Variants in ZNF248 observed in about 807,000 individuals in gnomAD.
ZNF248 encodes the protein zinc finger protein 248.
ZNF248 carries 20 observed loss-of-function variants against 44.3 expected under a neutral mutation model. The observed-to-expected ratio is 0.45, with a 90% CI of 0.32 to 0.66. The LOEUF is 0.66. Ranked by LOEUF, ZNF248 falls within the 30% of genes least tolerant of loss-of-function variation. The pLI is 0.04. For missense variants in ZNF248, 654 were observed against 677.0 expected, an observed-to-expected ratio of 0.97 and a Z score of 0.38; for synonymous variants, 224 against 229.0, an observed-to-expected ratio of 0.98 and a Z score of 0.20.
At chr10:37,773,810 G>A (rs1441146776), downstream of ZNF248, among the ~76,000 whole-genome samples, 4 of 152,044 alleles carry the variant, frequency 2.6e-5, no homozygotes, top group African/African-American at 9.7e-5. Flanking sequence ...CTCTGTAAAG[G>A]CCCTATCTCC....
chr10:37,853,190 C>T lies in ZNF248; in HGVS notation c.15+3106G>A, dbSNP rs1482350692. Reference sequence around the variant, plus strand: ...TGACAAGGATATCATACCTCAGAACCAACCCCTGCCAAAATACTACAGGAT... The same window carrying T: ...TGACAAGGATATCATACCTCAGAACTAACCCCTGCCAAAATACTACAGGAT... On this transcript the variant is annotated intron_variant, in intron 3 of 5. Transcript: ENST00000395867. 1.3e-5 allele frequency among the ~76,000 whole-genome samples: 2 copies of T among 152,102 alleles called. 1 individual carries two copies. Among genetic ancestry groups the T allele is most frequent in the South Asian group, 4.1e-4 (2 of 4,826 alleles).
the ZNF248 span, among the ~76,000 whole-genome samples, chr10:37,770,164 G>T: frequency 2.0e-5 from 3 of 152,142 alleles, no homozygotes; most frequent in Non-Finnish European, 4.4e-5. Context: ...CTCATGGGTA[G>T]GAAGAATCAA....
At chr10:37,784,286 C>T (rs770103243) in intron 6 of ZNF248, among the ~76,000 whole-genome samples, 1 of 152,328 alleles carries the variant, frequency 6.6e-6, no homozygotes, top group Middle Eastern at 3.4e-3. Context: ...TCATCCAAGT[C>T]CATCTTAAAG....
chr10:37,839,625 G>A (rs1169742305), intron 3 of ZNF248, among the ~76,000 whole-genome samples: 1 of 151,660 alleles, frequency 6.6e-6, no homozygotes, highest in Non-Finnish European at 1.5e-5. Context: ...TATTAAAGAA[G>A]ACATAATCTG....
chr10:37,814,281 A>G (rs1329348220), intron 6 of ZNF248, among the ~76,000 whole-genome samples: 3 of 152,322 alleles, frequency 2.0e-5, no homozygotes, highest in Non-Finnish European at 4.4e-5. Context: ...CTCCGCTCCT[A>G]CACAGCACTG....
the ZNF248 span, among the ~76,000 whole-genome samples, chr10:37,760,191 G>T: frequency 6.6e-6 from 1 of 152,136 alleles, no homozygotes; most frequent in Non-Finnish European, 1.5e-5. Flanking sequence ...AAAATATATG[G>T]GGGGAATAAC....
At chr10:37,795,464 C>T (rs989586243) in intron 6 of ZNF248, 2 of 152,090 alleles carry the variant, frequency 1.3e-5, no homozygotes, top group African/African-American at 4.8e-5. Context: ...CTTTCACAGT[C>T]ATTAAATTCA....
intron 6 of ZNF248, among the ~76,000 whole-genome samples, chr10:37,807,550 A>G (rs1589274360): frequency 6.6e-6 from 1 of 152,214 alleles, no homozygotes; most frequent in African/African-American, 2.4e-5. Flanking sequence ...AAGTCTTCCT[A>G]TCAATGTACA....
intron 6 of ZNF248, chr10:37,819,930 C>T (rs771581135): frequency 2.0e-4 from 154 of 770,634 alleles, no homozygotes; most frequent in Non-Finnish European, 2.7e-4. Context: ...GTTCAGTAAA[C>T]GAGGCCCCAT....
intron 1 of ZNF248, 51 bp from the exon 2 acceptor site, chr10:37,856,583 C>A: frequency 8.9e-7 from 1 of 1,123,532 alleles, no homozygotes; most frequent in Admixed American, 4.8e-5. Flanking sequence ...AACAAGTTAA[C>A]AGTAATCTGA....
chr10:37,768,135 A>G, the ZNF248 span, among the ~76,000 whole-genome samples: 1 of 152,226 alleles, frequency 6.6e-6, no homozygotes, highest in African/African-American at 2.4e-5. Flanking sequence ...GCAAGTCCTT[A>G]GCGACCTACA....
intron 1 of ZNF248, 134 bp from the exon 2 acceptor site, chr10:37,856,666 G>A (rs200942): frequency 0.99 from 1,001,788 of 1,015,792 alleles, 494,001 homozygotes; most frequent in East Asian, 1. Context: ...TTGTTTATCT[G>A]TTTACCTGTT....
chr10:37,839,410 T>A (rs2057888512), intron 3 of ZNF248, among the ~76,000 whole-genome samples: 1 of 152,068 alleles, frequency 6.6e-6, no homozygotes, highest in African/African-American at 2.4e-5. Flanking sequence ...CTAATTTTTG[T>A]TTCTAACGCC....
intron 3 of ZNF248, among the ~76,000 whole-genome samples, chr10:37,841,877 T>C (rs1434592658): frequency 6.6e-6 from 1 of 152,166 alleles, no homozygotes; most frequent in Non-Finnish European, 1.5e-5. Flanking sequence ...ACAAAACACC[T>C]GACTTGAACC....
At chr10:37,760,898 G>C in the ZNF248 span, among the ~76,000 whole-genome samples, 1 of 152,160 alleles carries the variant, frequency 6.6e-6, no homozygotes. Flanking sequence ...CACAAACAAA[G>C]AAATCAGTGA....
intron 6 of ZNF248, chr10:37,803,981 A>C (rs2050158557): frequency 6.5e-6 from 1 of 152,804 alleles, no homozygotes. Context: ...CATGGTGGAT[A>C]ATTAAAAAGA....
chr10:37,829,929 C>CA lies in ZNF248; in HGVS notation c.*1685dup. On this transcript the variant is annotated 3_prime_UTR_variant, in exon 6 of 6. Transcript: ENST00000395867. ...CTAAGTCATCTGGGAGAAGGATGCA[C>CA]AAAAATATAAAATTTAGCTCAGCAA... 1.0e-6 allele frequency: 1 copy of CA among 985,330 alleles called. No homozygotes were observed. Among genetic ancestry groups the CA allele is most frequent in the Non-Finnish European group, 1.2e-6 (1 of 829,914 alleles). 61.0% of individuals were successfully genotyped at this position (985,330 alleles called of 1,614,324 possible).
chr10:37,773,553 G>C (rs539080858), downstream of ZNF248, among the ~76,000 whole-genome samples: 1 of 152,258 alleles, frequency 6.6e-6, no homozygotes, highest in African/African-American at 2.4e-5. Flanking sequence ...CCATAACAAA[G>C]TACCACAGAC....
chr10:37,819,464 C>T, intron 6 of ZNF248: 1 of 1,566,894 alleles, frequency 6.4e-7, no homozygotes, highest in Non-Finnish European at 8.8e-7. Flanking sequence ...AGCTACGTAT[C>T]TTTGCTCTAT....
Sources: gnomAD v4.1 joint callset for allele counts (sites outside exome capture counted in the v4.1 genomes callset) on GRCh38, gnomAD v4.1.1 for gene constraint, MANE v1.5 for transcripts, NCBI Gene and HGNC (gene_info 2026-07-23, HGNC 2026-07-21) for gene names.